Variants in SLCO3A1 observed in about 807,000 individuals in gnomAD.
SLCO3A1 encodes the protein PGE1 transporter.
In SLCO3A1, 27 loss-of-function variants were observed where a neutral mutation model predicts 63.1. That is an observed-to-expected ratio of 0.43 (90% CI 0.32 to 0.59). SLCO3A1 has a LOEUF of 0.59. SLCO3A1 is among the 20% of genes least tolerant of loss of function. SLCO3A1 has a pLI of 0.09. For synonymous variants in SLCO3A1, 473 were observed against 409.9 expected, an observed-to-expected ratio of 1.15 and a Z score of -1.86; for missense variants, 773 against 945.8, an observed-to-expected ratio of 0.82 and a Z score of 2.40.
At chr15:91,970,111 C>A (rs945875946) in intron 2 of SLCO3A1, among the ~76,000 whole-genome samples, 6 of 152,050 alleles carry the variant, frequency 3.9e-5, no homozygotes, top group Admixed American at 3.3e-4. Flanking sequence ...AAAAAACTTA[C>A]AGCCTTAAAA....
chr15:91,941,506 G>A lies in SLCO3A1; in HGVS notation c.646+25048G>A, dbSNP rs1265989873. The A allele has an allele frequency of 4.4e-6, 2 of 455,484 alleles. No homozygotes were observed. Among genetic ancestry groups the A allele is most frequent in the Non-Finnish European group, 8.8e-6 (2 of 226,680 alleles). 28.2% of individuals were successfully genotyped at this position (455,484 alleles called of 1,614,324 possible). A position where few individuals can be genotyped will look rare whatever the true frequency, so the allele number is the denominator to read the frequency against. On this transcript the variant is annotated intron_variant, in intron 2 of 9. Coordinates refer to ENST00000318445, the MANE Select transcript of SLCO3A1 (RefSeq NM_013272.4). The surrounding 1 kb of genome is among the most constrained non-coding windows in gnomAD (Gnocchi z 4.4). ...CTCTGAGCCTTGATTGAGTGACCTT[G>A]GCCAAGTTACCTAGCTTTTCTGAGC...
chr15:91,892,133 A>G (rs999603989), intron 1 of SLCO3A1, among the ~76,000 whole-genome samples: 2 of 152,170 alleles, frequency 1.3e-5, no homozygotes, highest in African/African-American at 4.8e-5. Context: ...TCTCCCCAAC[A>G]GCCTACAAAG....
At chr15:92,147,730 C>T (rs1028962306) in intron 8 of SLCO3A1, among the ~76,000 whole-genome samples, 2 of 152,114 alleles carry the variant, frequency 1.3e-5, no homozygotes, top group Non-Finnish European at 2.9e-5. Context: ...GAGAGCCAAC[C>T]GAAATTCTAT....
At chr15:91,952,594 A>G (rs144367409) in intron 2 of SLCO3A1, among the ~76,000 whole-genome samples, 324 of 152,346 alleles carry the variant, frequency 2.1e-3, no homozygotes, top group Non-Finnish European at 4.0e-3. Context: ...ATTGCATGCT[A>G]AAGCACCTTG....
chr15:91,971,821 TTCAGCAGTGGCTCCGTA>T (rs774612832), intron 2 of SLCO3A1, among the ~76,000 whole-genome samples: 33,613 of 139,328 alleles, frequency 0.24, 4,235 homozygotes, highest in East Asian at 0.35. Context: ...TGGCTCCGTA[TTCAGCAGTGGCTCCGTA>T]TTCAACAGTT....
At chr15:91,955,741 C>T (rs1467391823) in intron 2 of SLCO3A1, among the ~76,000 whole-genome samples, 1 of 152,138 alleles carries the variant, frequency 6.6e-6, no homozygotes, top group East Asian at 1.9e-4. Flanking sequence ...CTTTGTATTC[C>T]CTCTTCATGG....
At chr15:92,107,097 T>C (rs1047442166) in intron 4 of SLCO3A1, among the ~76,000 whole-genome samples, 1 of 152,170 alleles carries the variant, frequency 6.6e-6, no homozygotes, top group South Asian at 2.1e-4. Context: ...AGCTGACAAG[T>C]ACACAGTCAG....
intron 2 of SLCO3A1, among the ~76,000 whole-genome samples, chr15:92,047,677 T>A (rs2046906381): frequency 7.7e-6 from 1 of 129,808 alleles, no homozygotes; most frequent in African/African-American, 2.9e-5. Flanking sequence ...AACTTGGTGT[T>A]TTTGGCCCCA....
intron 2 of SLCO3A1, among the ~76,000 whole-genome samples, chr15:91,985,920 C>T (rs1006623587): frequency 3.3e-5 from 5 of 152,062 alleles, no homozygotes; most frequent in African/African-American, 1.2e-4. Flanking sequence ...GGGAGGCCTT[C>T]GAGGAGCAGG....
chr15:92,139,828 T>G (rs9672414), intron 7 of SLCO3A1, among the ~76,000 whole-genome samples: 1,545 of 150,480 alleles, frequency 0.01, 18 homozygotes, highest in African/African-American at 0.036. Flanking sequence ...TGATATCCCC[T>G]TTATCATTTT....
chr15:92,165,294 A>G lies in SLCO3A1; in HGVS notation c.*2159A>G, dbSNP rs1158519367. ...GACACTCATCAGTACGTTAACTACT[A>G]AAGGGGAGATGGTTCTCCAACCACT... is the stretch of plus-strand genomic sequence containing the variant. On this transcript the variant is annotated 3_prime_UTR_variant, in exon 10 of 10. Transcript: ENST00000318445. 4 of 985,284 alleles carry G rather than the reference A, an allele frequency of 4.1e-6. No individual in the cohort carries two copies. The African/African-American group carries it at 7.0e-5, about 17-fold the overall frequency. The allele number at this position is 985,284 out of a possible 1,614,324, so 61.0% of individuals were successfully genotyped here. A position where few individuals can be genotyped will look rare whatever the true frequency, so the allele number is the denominator to read the frequency against.
In SLCO3A1 at chr15:91,859,776, A is replaced by G. The variant is rs1897005176; in HGVS notation, c.180+5688A>G. Among the ~76,000 whole-genome samples, 1 of 152,254 alleles carries G rather than the reference A, an allele frequency of 6.6e-6. No individual in the cohort carries two copies. The highest frequency in any genetic ancestry group is 2.4e-5 in the African/African-American group (1 of 41,458). The stretch of plus-strand genomic sequence containing the variant: ...CTGGCACATAGTGAGTGCCCAGGAA[A>G]TATTAGCTATTACTATTAATAATAA... On this transcript the variant is annotated intron_variant, in intron 1 of 9. Transcript: ENST00000318445. The surrounding 1 kb of genome is among the most constrained non-coding windows in gnomAD (Gnocchi z 5.1).
At chr15:91,924,535 AAAAAG>A (rs1192993827) in intron 2 of SLCO3A1, among the ~76,000 whole-genome samples, 2 of 151,896 alleles carry the variant, frequency 1.3e-5, no homozygotes, top group South Asian at 2.1e-4. Flanking sequence ...TAAAACACGA[AAAAAG>A]AAAAGAAAGG....
chr15:92,035,805 C>A (rs1249300119), intron 2 of SLCO3A1, among the ~76,000 whole-genome samples: 4 of 151,798 alleles, frequency 2.6e-5, no homozygotes, highest in African/African-American at 9.7e-5. Context: ...GGTGGGGATG[C>A]AGCCCAGTGC....
chr15:91,902,146 A>G (rs1898174372), intron 1 of SLCO3A1, among the ~76,000 whole-genome samples: 1 of 151,672 alleles, frequency 6.6e-6, no homozygotes, highest in South Asian at 2.1e-4. Context: ...TATACTTTTC[A>G]ACTCTAGAAT....
At chr15:91,998,186 G>T (rs572578140) in intron 2 of SLCO3A1, among the ~76,000 whole-genome samples, 2 of 152,304 alleles carry the variant, frequency 1.3e-5, no homozygotes, top group East Asian at 3.9e-4. Context: ...AGGTGTGGTG[G>T]CTCATGCCTG....
chr15:92,028,498 G>A (rs568639435), intron 2 of SLCO3A1, among the ~76,000 whole-genome samples: 1 of 152,196 alleles, frequency 6.6e-6, no homozygotes, highest in South Asian at 2.1e-4. Context: ...TAGGCCCTGG[G>A]GATACATTTT....
chr15:92,020,281 C>T (rs1414856992), intron 2 of SLCO3A1, among the ~76,000 whole-genome samples: 2 of 152,146 alleles, frequency 1.3e-5, no homozygotes, highest in East Asian at 3.8e-4. Flanking sequence ...TCCATCCATC[C>T]ATCCATCCAT....
intron 1 of SLCO3A1, among the ~76,000 whole-genome samples, chr15:91,864,981 C>A (rs763465529): frequency 6.6e-6 from 1 of 152,226 alleles, no homozygotes; most frequent in Non-Finnish European, 1.5e-5. Flanking sequence ...AAGACCTAGG[C>A]CACTCCTGAG....
Sources: allele counts gnomAD v4.1 joint callset (sites outside exome capture counted in the v4.1 genomes callset), GRCh38; gene constraint gnomAD v4.1.1; non-coding constraint Gnocchi (gnomAD v3.1); transcripts MANE v1.5; gene names NCBI Gene and HGNC (gene_info 2026-07-23, HGNC 2026-07-21).